Variants in NRG3 observed in about 807,000 individuals in gnomAD.
NRG3 encodes neuregulin 3.
A neutral mutation model predicts 66.9 loss-of-function variants in NRG3; 31 were observed. The observed-to-expected ratio is 0.46, with a 90% confidence interval of 0.35 to 0.63. The LOEUF (loss-of-function observed/expected upper bound fraction) is 0.63, where lower values mean the gene tolerates loss of function less well. Among genes scored for constraint, NRG3 ranks in the 20% least tolerant of loss-of-function variants. The probability of loss-of-function intolerance (pLI) is 0.00; values close to 1 mark genes in which losing one functional copy is unlikely to be tolerated. For missense variants in NRG3, 910 were observed against 878.9 expected, an observed-to-expected ratio of 1.04 and a Z score of -0.45; for synonymous variants, 393 against 359.4, an observed-to-expected ratio of 1.09 and a Z score of -1.06.
intron 7 of NRG3, among the ~76,000 whole-genome samples, chr10:82,977,648 A>C (rs17101164): frequency 0.1 from 15,446 of 151,464 alleles, 1,102 homozygotes; most frequent in African/African-American, 0.19. Flanking sequence ...ATAACAATGA[A>C]TGTTGCCAGA....
chr10:82,242,749 A>C (rs1298416358), intron 1 of NRG3, among the ~76,000 whole-genome samples: 1 of 152,132 alleles, frequency 6.6e-6, no homozygotes, highest in Non-Finnish European at 1.5e-5. Context: ...AGTGAAGTAC[A>C]TGTGTTTCCC....
At chr10:82,703,572 C>G (rs117728737) in intron 2 of NRG3, among the ~76,000 whole-genome samples, 1 of 152,174 alleles carries the variant, frequency 6.6e-6, no homozygotes, top group South Asian at 2.1e-4. Flanking sequence ...AAGGAAGAAC[C>G]ATTCAACAGG....
At chr10:82,260,536 G>A (rs993011757) in intron 1 of NRG3, among the ~76,000 whole-genome samples, 1 of 152,126 alleles carries the variant, frequency 6.6e-6, no homozygotes, top group Non-Finnish European at 1.5e-5. Context: ...GTCACCAAGA[G>A]GTTTGCCATT....
intron 1 of NRG3, among the ~76,000 whole-genome samples, chr10:82,159,052 T>C (rs1257528015): frequency 6.6e-6 from 1 of 151,808 alleles, no homozygotes; most frequent in Non-Finnish European, 1.5e-5. Context: ...TCAAATTCCT[T>C]TTAAGACAAA....
At chr10:82,804,448 C>T (rs1012488454) in intron 3 of NRG3, among the ~76,000 whole-genome samples, 2 of 152,082 alleles carry the variant, frequency 1.3e-5, no homozygotes, top group Non-Finnish European at 2.9e-5. Flanking sequence ...GTATTTCGAA[C>T]GACAGCAATC....
intron 2 of NRG3, among the ~76,000 whole-genome samples, chr10:82,581,822 GT>G (rs1016268188): frequency 1.3e-5 from 2 of 151,696 alleles, no homozygotes; most frequent in African/African-American, 4.8e-5. Context: ...TTTTTTCCTT[GT>G]TATCTTATAG....
At chr10:82,229,592 A>G (rs1427712718) in intron 1 of NRG3, among the ~76,000 whole-genome samples, 1 of 152,226 alleles carries the variant, frequency 6.6e-6, no homozygotes, top group Non-Finnish European at 1.5e-5. Flanking sequence ...ACTTACAATC[A>G]TGGCAGAAGA....
chr10:82,168,032 G>T (rs778087724), intron 1 of NRG3, among the ~76,000 whole-genome samples: 2 of 151,620 alleles, frequency 1.3e-5, no homozygotes, highest in African/African-American at 2.4e-5. Context: ...ATTATGTTTT[G>T]GAAATTGAAT....
At chr10:82,041,699 C>T (rs1473916659) in intron 1 of NRG3, among the ~76,000 whole-genome samples, 4 of 151,980 alleles carry the variant, frequency 2.6e-5, no homozygotes, top group Admixed American at 6.6e-5. Context: ...AGGTGTATGA[C>T]AAAGATCTAT....
chr10:82,866,447 A>T (rs903334664), intron 4 of NRG3, among the ~76,000 whole-genome samples: 1 of 152,198 alleles, frequency 6.6e-6, no homozygotes, highest in Non-Finnish European at 1.5e-5. Context: ...TTGAGAGTTA[A>T]TTAGAAATTT....
chr10:82,149,817 T>G (rs2070566268), intron 1 of NRG3, among the ~76,000 whole-genome samples: 1 of 152,150 alleles, frequency 6.6e-6, no homozygotes, highest in South Asian at 2.1e-4. Flanking sequence ...GGTGCAGATA[T>G]GAGAAAGCCC....
At chr10:81,919,201 T>G (rs935045176) in intron 1 of NRG3, among the ~76,000 whole-genome samples, 6 of 152,212 alleles carry the variant, frequency 3.9e-5, no homozygotes, top group Non-Finnish European at 8.8e-5. Flanking sequence ...GATAGAGCAC[T>G]TGAAGGGATG....
chr10:82,658,825 A>T (rs992653608), intron 2 of NRG3, among the ~76,000 whole-genome samples: 13 of 152,220 alleles, frequency 8.5e-5, no homozygotes, highest in African/African-American at 2.9e-4. Context: ...AGTTTATTTT[A>T]TGAATTAAAC....
intron 5 of NRG3, chr10:82,955,230 G>C (rs1160500012): frequency 6.6e-6 from 1 of 151,922 alleles, no homozygotes; most frequent in East Asian, 1.9e-4. Context: ...AGGAAAGATG[G>C]AAGGTAGGTA....
chr10:82,313,013 C>T (rs1273473177), intron 1 of NRG3, among the ~76,000 whole-genome samples: 7 of 152,028 alleles, frequency 4.6e-5, no homozygotes, highest in African/African-American at 1.4e-4. Context: ...CCCTTCTCTA[C>T]CAAAAATACT....
At chr10:82,008,719 A>G (rs2061467455) in intron 1 of NRG3, among the ~76,000 whole-genome samples, 1 of 152,164 alleles carries the variant, frequency 6.6e-6, no homozygotes, top group South Asian at 2.1e-4. Context: ...CTTGGTACCC[A>G]TGAGGAACAC....
intron 2 of NRG3, among the ~76,000 whole-genome samples, chr10:82,713,147 A>AG (rs71310955): frequency 1.4e-5 from 2 of 143,306 alleles, no homozygotes; most frequent in African/African-American, 2.6e-5. Flanking sequence ...AAAAAAAAAA[A>AG]TCATAAAAGA....
intron 4 of NRG3, among the ~76,000 whole-genome samples, chr10:82,906,359 G>T (rs1844737306): frequency 6.6e-6 from 1 of 152,158 alleles, no homozygotes; most frequent in Non-Finnish European, 1.5e-5. Flanking sequence ...TGTGGCATAA[G>T]ATCACACTCT....
At chr10:82,830,776 A>C (rs1007614895) in intron 3 of NRG3, among the ~76,000 whole-genome samples, 1 of 152,148 alleles carries the variant, frequency 6.6e-6, no homozygotes, top group African/African-American at 2.4e-5. Context: ...AGATAAAGGA[A>C]CCCATCTAGG....
Sources: gnomAD v4.1 joint callset for allele counts (sites outside exome capture counted in the v4.1 genomes callset) on GRCh38, gnomAD v4.1.1 for gene constraint, MANE v1.5 for transcripts, NCBI Gene and HGNC (gene_info 2026-07-23, HGNC 2026-07-21) for gene names.